MMS22L: variants seen among roughly 807,000 people sequenced by gnomAD.
MMS22L encodes the protein MMS22 like, DNA repair protein.
Under a neutral mutation model 159.1 loss-of-function variants are expected in MMS22L, and 74 were observed. That is an observed-to-expected ratio of 0.47 (90% CI 0.39 to 0.56). MMS22L has a LOEUF of 0.56. Ranked by LOEUF, MMS22L falls within the 20% of genes least tolerant of loss-of-function variation. MMS22L has a pLI of 0.00. For synonymous variants in MMS22L, 517 were observed against 506.9 expected (o/e 1.02, Z -0.27); for missense variants, 1,351 against 1,422.1 (o/e 0.95, Z 0.80).
intron 9 of MMS22L, among the ~76,000 whole-genome samples, chr6:97,262,674 AAAG>A (rs1814622508): frequency 1.3e-5 from 2 of 151,800 alleles, no homozygotes; most frequent in South Asian, 4.1e-4. Flanking sequence ...AAAAAAAAAA[AAAG>A]ATAGCAGCAC....
upstream of MMS22L, chr6:97,283,734 A>G (rs1816982525): frequency 1.3e-5 from 2 of 152,348 alleles, no homozygotes; most frequent in African/African-American, 4.8e-5. Flanking sequence ...CAACCCAACA[A>G]TAGCAGAATA....
intron 14 of MMS22L, among the ~76,000 whole-genome samples, chr6:97,210,105 C>G (rs1009672650): frequency 4.0e-5 from 6 of 151,868 alleles, no homozygotes; most frequent in Non-Finnish European, 7.4e-5. Context: ...TGCCTGAGGT[C>G]CCAGAGTTAG....
At chr6:97,188,437 C>A (rs1240976179) in intron 14 of MMS22L, among the ~76,000 whole-genome samples, 1 of 152,096 alleles carries the variant, frequency 6.6e-6, no homozygotes, top group Non-Finnish European at 1.5e-5. Flanking sequence ...TAATTAAATT[C>A]TTTTAAAATC....
chr6:97,152,266 AC>A (rs1475406751), intron 22 of MMS22L, among the ~76,000 whole-genome samples: 1 of 151,654 alleles, frequency 6.6e-6, no homozygotes, highest in Non-Finnish European at 1.5e-5. Flanking sequence ...TATTCCTCCC[AC>A]CCCCTCACAA....
At position 97,162,526 on chromosome 6, in the gene MMS22L, G is replaced by A. The variant is rs1314466711; in HGVS notation, c.3222-361C>T. 7.9e-5 allele frequency among the ~76,000 whole-genome samples: 12 copies of A among 151,354 alleles called. No individual in the cohort carries two copies. In the East Asian group the frequency reaches 1.7e-3, roughly 22 times the overall value. On this transcript the variant is annotated intron_variant, in intron 21 of 24. Transcript: ENST00000683635. Reference sequence around the variant, plus strand: ...TCTCCTCCATTGGGTCCTCAATGCCGCAACATTTTCTCTAATGTCAAATTT... The same window carrying A: ...TCTCCTCCATTGGGTCCTCAATGCCACAACATTTTCTCTAATGTCAAATTT...
At chr6:97,181,145 C>A (rs1056545311) in intron 16 of MMS22L, among the ~76,000 whole-genome samples, 2 of 151,710 alleles carry the variant, frequency 1.3e-5, no homozygotes, top group African/African-American at 2.4e-5. Context: ...AAGAAAGTGG[C>A]AAGTAGAATA....
rs769036229 is a variant in MMS22L, at chr6:97,145,420, TGAAG to T, written c.*1382_*1385del. Reference sequence around the variant, plus strand: ...CCAGAGAAGGGTTGAAATGTTTTCTTGAAGGAAGAGTAGAACCATGATAAAGACT... The same window carrying T: ...CCAGAGAAGGGTTGAAATGTTTTCTTGAAGAGTAGAACCATGATAAAGACT... On this transcript the variant is annotated 3_prime_UTR_variant, in exon 25 of 25. Transcript: ENST00000683635. The T allele has an allele frequency of 1.3e-5, 2 of 152,302 alleles. No individual in the cohort carries two copies. The highest frequency in any genetic ancestry group is 1.5e-5 in the Non-Finnish European group (1 of 68,004). The allele number at this position is 152,302 out of a possible 1,614,324, so 9.4% of individuals were successfully genotyped here. A position where few individuals can be genotyped will look rare whatever the true frequency, so the allele number is the denominator to read the frequency against.
At position 97,211,237 on chromosome 6, in the gene MMS22L, A is replaced by T. The variant is rs944642837; in HGVS notation, c.2039+17657T>A. Among the ~76,000 whole-genome samples the T allele has an allele frequency of 5.4e-4, 82 of 152,154 alleles. 1 individual carries two copies. Among genetic ancestry groups the T allele is most frequent in the African/African-American group, 1.9e-3 (80 of 41,566 alleles). ...TGACATTTATATATAAAAATCCCTT[A>T]AAACTTTTACACATCCAAAAAAATA... On this transcript the variant is annotated intron_variant, in intron 14 of 24. Transcript: ENST00000683635.
intron 14 of MMS22L, among the ~76,000 whole-genome samples, chr6:97,199,250 T>C (rs1211964809): frequency 6.6e-6 from 1 of 152,142 alleles, no homozygotes; most frequent in Admixed American, 6.6e-5. Context: ...CCACAGTAAG[T>C]AAGCTAGGGC....
At chr6:97,217,048 C>T (rs927794621) in intron 14 of MMS22L, among the ~76,000 whole-genome samples, 2 of 152,066 alleles carry the variant, frequency 1.3e-5, no homozygotes, top group African/African-American at 4.8e-5. Flanking sequence ...TTTCTCCACC[C>T]TTATGTTTTC....
At chr6:97,171,647 C>T (rs530564182) in intron 19 of MMS22L, among the ~76,000 whole-genome samples, 1 of 152,304 alleles carries the variant, frequency 6.6e-6, no homozygotes, top group South Asian at 2.1e-4. Context: ...AAGGTGATTT[C>T]ATCAACAGTT....
chr6:97,281,108 G>A (rs2128104246), intron 3 of MMS22L, 129 bp downstream of exon 3: 1 of 833,536 alleles, frequency 1.2e-6, no homozygotes, highest in Non-Finnish European at 1.8e-6. Flanking sequence ...TTACTGGTAA[G>A]ATAATCAAGT....
At chr6:97,278,932 T>C (rs1158988211) in intron 3 of MMS22L, 34 bp from the exon 4 acceptor site, 1 of 1,578,318 alleles carries the variant, frequency 6.3e-7, no homozygotes, top group African/African-American at 1.3e-5. Flanking sequence ...GAGTTAATTT[T>C]AGAACACTTT....
chr6:97,191,363 T>A (rs144657099), intron 14 of MMS22L, among the ~76,000 whole-genome samples: 2 of 152,188 alleles, frequency 1.3e-5, no homozygotes, highest in Non-Finnish European at 2.9e-5. Context: ...ATAACTGTTA[T>A]AGAATAAGGT....
chr6:97,165,489 G>C (rs539908867), intron 20 of MMS22L, 32 bp from the exon 21 acceptor site: 1 of 1,562,844 alleles, frequency 6.4e-7, no homozygotes, highest in African/African-American at 1.4e-5. Flanking sequence ...AATACTAAGA[G>C]GTAAAGTTTC....
At chr6:97,199,691 A>G (rs1035682195) in intron 14 of MMS22L, among the ~76,000 whole-genome samples, 5 of 151,908 alleles carry the variant, frequency 3.3e-5, no homozygotes, top group African/African-American at 1.2e-4. Flanking sequence ...CAGCTCCAAT[A>G]GTGACTTGTT....
chr6:97,158,938 G>C (rs1802137245), intron 22 of MMS22L, among the ~76,000 whole-genome samples: 1 of 152,056 alleles, frequency 6.6e-6, no homozygotes, highest in South Asian at 2.1e-4. Flanking sequence ...TTGTGTGGGA[G>C]TGTAAGTCTC....
chr6:97,168,009 GT>G, intron 20 of MMS22L, 61 bp downstream of exon 20: 1 of 1,377,764 alleles, frequency 7.3e-7, no homozygotes, highest in African/African-American at 1.5e-5. Flanking sequence ...AGTAAACTAT[GT>G]TTTTAAGGCA....
intron 1 of MMS22L, 91 bp from the exon 2 acceptor site, chr6:97,282,644 A>C: frequency 1.9e-6 from 1 of 514,102 alleles, no homozygotes; most frequent in Non-Finnish European, 3.4e-6. Flanking sequence ...AAACAAACGA[A>C]CAAACCCAGA....
Sources: allele counts gnomAD v4.1 joint callset (sites outside exome capture counted in the v4.1 genomes callset), GRCh38; gene constraint gnomAD v4.1.1; transcripts MANE v1.5; gene names NCBI Gene and HGNC (gene_info 2026-07-23, HGNC 2026-07-21).